Variants in SLC26A7 observed in about 807,000 individuals in gnomAD.
The protein encoded by SLC26A7 is anion exchange transporter.
SLC26A7 carries 59 observed loss-of-function variants against 82.5 expected under a neutral mutation model. The ratio of observed to expected loss-of-function variants is 0.72; its 90% CI spans 0.58 to 0.89. The LOEUF is 0.89. Ranked by LOEUF, SLC26A7 falls within the 40% of genes least tolerant of loss-of-function variation. SLC26A7 has a pLI of 0.00. For synonymous variants in SLC26A7, 271 were observed against 274.3 expected (o/e 0.99, Z 0.12); for missense variants, 820 against 793.0 (o/e 1.03, Z -0.41).
chr8:91,352,948 A>C lies in SLC26A7; in HGVS notation c.1266A>C (p.Ile422=), dbSNP rs1813760158. Residue 422 remains isoleucine (I), a synonymous_variant, in exon 11 of 19, where the codon ATA becomes ATC. Transcript: ENST00000276609. The part of the protein sequence containing the change: ...IIVVGLKGML[I]QFRDLKKYWN... ...TTGTGGGACTGAAGGGAATGCTAAT[A>C]CAGTTCCGAGATTTAAAAAAATATT... The C allele has an allele frequency of 1.2e-6, 2 of 1,609,020 alleles. No individual in the cohort carries two copies. Among genetic ancestry groups the C allele is most frequent in the Non-Finnish European group, 1.7e-6 (2 of 1,177,616 alleles).
intron 4 of SLC26A7, among the ~76,000 whole-genome samples, chr8:91,297,367 T>TA (rs1379934281): frequency 6.6e-6 from 1 of 151,932 alleles, no homozygotes; most frequent in African/African-American, 2.4e-5. Flanking sequence ...GATTATGACT[T>TA]AAAATGATAA....
chr8:91,276,829 A>G (rs1811420041), intron 2 of SLC26A7, among the ~76,000 whole-genome samples: 1 of 152,196 alleles, frequency 6.6e-6, no homozygotes, highest in Non-Finnish European at 1.5e-5. Flanking sequence ...TTTTCGTTTT[A>G]TTCCATTTAA....
chr8:91,355,128 A>G (rs1002939678), intron 11 of SLC26A7, among the ~76,000 whole-genome samples: 43 of 151,994 alleles, frequency 2.8e-4, no homozygotes, highest in African/African-American at 9.9e-4. Flanking sequence ...ATTGAGGGGT[A>G]AAGTAGAGAA....
chr8:91,236,933 A>G lies in SLC26A7; in HGVS notation c.-33-12686A>G, dbSNP rs539715521. 1.4e-4 allele frequency among the ~76,000 whole-genome samples: 21 copies of G among 152,360 alleles called. 2 individuals are homozygous for G. The South Asian group carries it at 3.3e-3, about 24-fold the overall frequency. On this transcript the variant is annotated intron_variant, in intron 2 of 5. Transcript: ENST00000522862. ...TTTATCAATTGCTTACTCTGTAACAACATTTGTGCTTTGTACTTTAGGTAA... is the reference window on the plus strand; with the variant it reads ...TTTATCAATTGCTTACTCTGTAACAGCATTTGTGCTTTGTACTTTAGGTAA...
At chr8:91,342,088 T>G (rs1042986636) in intron 8 of SLC26A7, among the ~76,000 whole-genome samples, 5 of 150,998 alleles carry the variant, frequency 3.3e-5, no homozygotes, top group African/African-American at 7.3e-5. Flanking sequence ...CCACCATGCC[T>G]GGCTACTTTT....
At position 91,318,360 on chromosome 8, in the gene SLC26A7, G is replaced by A. The variant is rs371049814; in HGVS notation, c.622G>A (p.Gly208Arg). Residue 208 changes from glycine to arginine, a missense_variant, in exon 5 of 19, where the codon GGA becomes AGA. Physicochemically the swap from Gly to Arg is moderately radical, Grantham distance 125. Coordinates refer to ENST00000276609, the MANE Select transcript of SLC26A7 (RefSeq NM_052832.4). ...GGGAATGAAAATGCCATATATATCC[G>A]GACCACTTGGATTCTTTTATGTGAG... Reference protein sequence around the residue: ...LLGMKMPYISGPLGFFYIYAY... With the variant: ...LLGMKMPYISRPLGFFYIYAY... The A allele has an allele frequency of 8.7e-6, 14 of 1,605,194 alleles. No homozygotes were observed. The Admixed American group carries it at 1.0e-4, about 12-fold the overall frequency.
intron 6 of SLC26A7, among the ~76,000 whole-genome samples, chr8:91,335,291 G>T (rs574577405): frequency 1.3e-5 from 2 of 152,200 alleles, no homozygotes; most frequent in Admixed American, 1.3e-4. Context: ...TTAAGGCTAC[G>T]ACTCATTTCT....
chr8:91,280,155 C>A (rs1285470537), intron 2 of SLC26A7, among the ~76,000 whole-genome samples: 1 of 152,062 alleles, frequency 6.6e-6, no homozygotes, highest in Admixed American at 6.6e-5. Context: ...TTTTTGGCAT[C>A]ATATAAAAAA....
Position 91,318,358 on chromosome 8 carries a change from C to G in SLC26A7, c.620C>G (p.Ser207Cys), listed in dbSNP as rs868782173. ...YLLGMKMPYI[S>C]GPLGFFYIYA... is the part of the protein sequence containing the mutation. ...TTGGGAATGAAAATGCCATATATAT[C>G]CGGACCACTTGGATTCTTTTATGTG... Residue 207 changes from serine to cysteine, a missense_variant, in exon 5 of 19, where the codon TCC becomes TGC. Coordinates refer to ENST00000276609, the MANE Select transcript of SLC26A7 (RefSeq NM_052832.4). 4 of 1,607,706 alleles carry G rather than the reference C, an allele frequency of 2.5e-6. No individual in the cohort carries two copies. The highest frequency in any genetic ancestry group is 2.7e-5 in the African/African-American group (2 of 74,708).
intron 4 of SLC26A7, among the ~76,000 whole-genome samples, chr8:91,313,413 G>C (rs760897911): frequency 1.1e-4 from 16 of 152,112 alleles, no homozygotes; most frequent in Non-Finnish European, 8.8e-5. Context: ...CAGGAAGTAT[G>C]AATCCTTCAG....
At chr8:91,336,157 A>G (rs1038909155) in intron 6 of SLC26A7, among the ~76,000 whole-genome samples, 31 of 152,184 alleles carry the variant, frequency 2.0e-4, no homozygotes, top group African/African-American at 7.2e-4. Context: ...TTCAGAAAGA[A>G]GGGTACAGGT....
At chr8:91,311,077 T>C (rs766341251) in intron 4 of SLC26A7, among the ~76,000 whole-genome samples, 13 of 152,182 alleles carry the variant, frequency 8.5e-5, no homozygotes, top group Non-Finnish European at 1.5e-4. Context: ...TATGGATTTG[T>C]TGCAACAGTG....
At chr8:91,283,614 T>G (rs1449144679) in intron 2 of SLC26A7, among the ~76,000 whole-genome samples, 1 of 152,206 alleles carries the variant, frequency 6.6e-6, no homozygotes, top group Non-Finnish European at 1.5e-5. Flanking sequence ...GTACTTAGCC[T>G]TTATTCTTTG....
At chr8:91,392,884 C>G (rs1265909839) in intron 16 of SLC26A7, among the ~76,000 whole-genome samples, 1 of 152,064 alleles carries the variant, frequency 6.6e-6, no homozygotes, top group African/African-American at 2.4e-5. Flanking sequence ...TTTTAACTTG[C>G]AAAAATGGGA....
chr8:91,262,723 C>G (rs1036681696), intron 2 of SLC26A7, among the ~76,000 whole-genome samples: 1 of 151,714 alleles, frequency 6.6e-6, no homozygotes, highest in Non-Finnish European at 1.5e-5. Context: ...TTTTTATGCT[C>G]TTTAGTTTTG....
intron 2 of SLC26A7, among the ~76,000 whole-genome samples, chr8:91,239,564 G>A (rs1283478432): frequency 6.6e-6 from 1 of 151,670 alleles, no homozygotes; most frequent in Non-Finnish European, 1.5e-5. Flanking sequence ...TAGATTAAAA[G>A]TTCCTAGATC....
chr8:91,239,476 A>G (rs570550759), intron 2 of SLC26A7, among the ~76,000 whole-genome samples: 1 of 150,126 alleles, frequency 6.7e-6, no homozygotes, highest in South Asian at 2.1e-4. Context: ...GTATATATGT[A>G]TATATATGTG....
chr8:91,264,585 T>C (rs1317220269), intron 2 of SLC26A7, among the ~76,000 whole-genome samples: 1 of 151,934 alleles, frequency 6.6e-6, no homozygotes, highest in Non-Finnish European at 1.5e-5. Flanking sequence ...CTCCCCATGA[T>C]GTTGTTTCTA....
At chr8:91,377,704 G>A (rs1284046921) in intron 15 of SLC26A7, among the ~76,000 whole-genome samples, 1 of 152,218 alleles carries the variant, frequency 6.6e-6, no homozygotes, top group Non-Finnish European at 1.5e-5. Context: ...TAAGAGTTTG[G>A]TGGTCTGCAG....
Sources: gnomAD v4.1 joint callset for allele counts (sites outside exome capture counted in the v4.1 genomes callset) on GRCh38, gnomAD v4.1.1 for gene constraint, MANE v1.5 for transcripts, NCBI Gene and HGNC (gene_info 2026-07-23, HGNC 2026-07-21) for gene names.